The following TMED3 variants were observed in gnomAD, a reference collection of about 807,000 sequenced individuals.
The protein encoded by TMED3 is transmembrane emp24 domain-containing protein 3.
Under a neutral mutation model 15.0 loss-of-function variants are expected in TMED3, and 9 were observed. That is an observed-to-expected ratio of 0.60 (90% CI 0.36 to 1.04). TMED3 has a LOEUF of 1.04. Ranked by LOEUF, TMED3 falls within the 50% of genes least tolerant of loss-of-function variation. The probability of loss-of-function intolerance (pLI) is 0.01; values close to 1 mark genes in which losing one functional copy is unlikely to be tolerated. For missense variants in TMED3, 267 were observed against 278.9 expected, an observed-to-expected ratio of 0.96 and a Z score of 0.30; for synonymous variants, 117 against 121.4, an observed-to-expected ratio of 0.96 and a Z score of 0.24.
chr15:79,364,485 C>G (rs1200593147), intron 2 of TMED3, among the ~76,000 whole-genome samples: 1 of 151,906 alleles, frequency 6.6e-6, no homozygotes, highest in Non-Finnish European at 1.5e-5. Context: ...AAGGCCCCAC[C>G]CCTCGAGCCT....
At position 79,393,912 on chromosome 15, in the gene TMED3, G is replaced by A. The variant is rs149357780; in HGVS notation, c.418-17488G>A. On this transcript the variant is annotated intron_variant, in intron 2 of 2. Transcript: ENST00000424155. ...GGGTTTCACCATGTTGCCCAGGATG[G>A]TCTCAAACTCCTGAGCTCAAGCGAT... Among the ~76,000 whole-genome samples, 614 of 152,256 alleles carry A rather than the reference G, an allele frequency of 4.0e-3. 1 individual carries two copies. Among genetic ancestry groups the A allele is most frequent in the African/African-American group, 0.014 (583 of 41,548 alleles).
At chr15:79,356,485 G>A (rs1025187580) in intron 2 of TMED3, among the ~76,000 whole-genome samples, 1 of 152,214 alleles carries the variant, frequency 6.6e-6, no homozygotes, top group Non-Finnish European at 1.5e-5. Flanking sequence ...GATGGCAGCA[G>A]TGAACAGCTC....
At chr15:79,377,302 G>A (rs1300292376) in intron 2 of TMED3, among the ~76,000 whole-genome samples, 1 of 151,454 alleles carries the variant, frequency 6.6e-6, no homozygotes, top group Non-Finnish European at 1.5e-5. Flanking sequence ...GTGTGTGAGA[G>A]AGAGAGAGAG....
chr15:79,393,869 A>T (rs956794847), intron 2 of TMED3, among the ~76,000 whole-genome samples: 1 of 151,968 alleles, frequency 6.6e-6, no homozygotes, highest in East Asian at 1.9e-4. Context: ...CTAATTTTTT[A>T]AATTTTTTGT....
At position 79,313,946 on chromosome 15, in the gene TMED3, G is replaced by A; in HGVS notation, c.358G>A (p.Val120Met). ...CAAGACCGTCTACTTTGACTTTCAA[G>A]TGGGCGATGAGCCTCCCATTCTCCC... ...SHKTVYFDFQ[V>M]GDEPPILPDM... is the part of the protein sequence containing the mutation. Residue 120 changes from valine to methionine, a missense_variant, in exon 2 of 3, where the codon GTG becomes ATG. By Grantham distance (21) the Val-to-Met change is conservative (BLOSUM62 1). Coordinates refer to ENST00000299705, the MANE Select transcript of TMED3 (RefSeq NM_007364.4). The A allele has an allele frequency of 6.2e-7, 1 of 1,614,218 alleles. No individual in the cohort carries two copies. Among genetic ancestry groups the A allele is most frequent in the Non-Finnish European group, 8.5e-7 (1 of 1,180,042 alleles).
intron 2 of TMED3, among the ~76,000 whole-genome samples, chr15:79,345,962 T>A (rs932025153): frequency 6.6e-6 from 1 of 152,220 alleles, no homozygotes; most frequent in Non-Finnish European, 1.5e-5. Context: ...TTGAAAAGTA[T>A]CTGTTTATGT....
chr15:79,314,879 G>A (rs1052535184), intron 2 of TMED3, among the ~76,000 whole-genome samples: 2 of 152,184 alleles, frequency 1.3e-5, no homozygotes, highest in Non-Finnish European at 2.9e-5. Flanking sequence ...CAGGCTGGGG[G>A]CTTCCTGAGG....
chr15:79,314,182 C>T (rs564540707), intron 2 of TMED3, among the ~76,000 whole-genome samples, 177 bp downstream of exon 2: 4 of 152,312 alleles, frequency 2.6e-5, no homozygotes, highest in Admixed American at 2.0e-4. Flanking sequence ...GCTCTTCTTT[C>T]GATCTTCCTT....
Position 79,311,355 on chromosome 15 carries a change from A to G in TMED3, c.106A>G (p.Asn36Asp). ...GAELTFELPD[N>D]AKQCFHEEVE... Reference sequence around the variant, plus strand: ...CGAGCTCACCTTCGAGCTGCCGGACAACGCCAAGCAGTGCTTCCACGAGGA... The same window carrying G: ...CGAGCTCACCTTCGAGCTGCCGGACGACGCCAAGCAGTGCTTCCACGAGGA... Residue 36 changes from asparagine to aspartate, a missense_variant, in exon 1 of 3, where the codon AAC becomes GAC. Asn to Asp is a conservative substitution (Grantham distance 23). Transcript: ENST00000299705. 4 of 1,612,064 alleles carry G rather than the reference A, an allele frequency of 2.5e-6. No individual in the cohort carries two copies. Among genetic ancestry groups the G allele is most frequent in the Non-Finnish European group, 2.5e-6 (3 of 1,179,486 alleles).
intron 2 of TMED3, among the ~76,000 whole-genome samples, chr15:79,388,913 T>C (rs1893662550): frequency 6.6e-6 from 1 of 152,070 alleles, no homozygotes; most frequent in Admixed American, 6.6e-5. Context: ...TCTATTCATG[T>C]CCTTAGCCCA....
At chr15:79,313,724 C>T in intron 1 of TMED3, 33 bp from the exon 2 acceptor site, 1 of 1,599,774 alleles carries the variant, frequency 6.3e-7, no homozygotes, top group Non-Finnish European at 8.5e-7. Flanking sequence ...GTGGTTGCTC[C>T]TTTGATAACA....
chr15:79,353,748 A>G (rs1477365387), intron 2 of TMED3, among the ~76,000 whole-genome samples: 1 of 151,636 alleles, frequency 6.6e-6, no homozygotes, highest in Non-Finnish European at 1.5e-5. Flanking sequence ...AAAAATGAAG[A>G]CATTATTGTG....
chr15:79,346,642 T>C (rs1196420397), intron 2 of TMED3, among the ~76,000 whole-genome samples: 1 of 152,210 alleles, frequency 6.6e-6, no homozygotes, highest in Non-Finnish European at 1.5e-5. Context: ...CAGGTTTTTA[T>C]AGTTTTGGGT....
chr15:79,386,955 A>G (rs1330233811), intron 2 of TMED3, among the ~76,000 whole-genome samples: 1 of 140,608 alleles, frequency 7.1e-6, no homozygotes, highest in African/African-American at 2.6e-5. Flanking sequence ...TTTTTGAGAC[A>G]ATGTCTCGTT....
chr15:79,376,689 C>T (rs1167306751), intron 2 of TMED3, among the ~76,000 whole-genome samples: 2 of 152,222 alleles, frequency 1.3e-5, no homozygotes, highest in African/African-American at 4.8e-5. Flanking sequence ...TTTTGGCAGT[C>T]TCACTGAATT....
chr15:79,369,678 C>T (rs368947933), intron 2 of TMED3, among the ~76,000 whole-genome samples: 2 of 152,334 alleles, frequency 1.3e-5, no homozygotes, highest in East Asian at 3.9e-4. Context: ...TCTGTGTTCA[C>T]ACATAATTAT....
chr15:79,394,268 C>A (rs1215487486), intron 2 of TMED3, among the ~76,000 whole-genome samples: 2 of 152,084 alleles, frequency 1.3e-5, no homozygotes, highest in East Asian at 3.9e-4. Flanking sequence ...TTTATTTTCC[C>A]CATAGACTGT....
At chr15:79,331,205 A>G (rs950704749) in intron 2 of TMED3, among the ~76,000 whole-genome samples, 3 of 152,328 alleles carry the variant, frequency 2.0e-5, no homozygotes, top group Admixed American at 6.5e-5. Context: ...CCCCACCTCC[A>G]ACATTGGGGA....
intron 2 of TMED3, among the ~76,000 whole-genome samples, chr15:79,364,545 A>G (rs1893192068): frequency 6.6e-6 from 1 of 151,738 alleles, no homozygotes; most frequent in South Asian, 2.1e-4. Flanking sequence ...TTCATTCCCA[A>G]AAAGTTGTCT....
Sources: allele counts gnomAD v4.1 joint callset (sites outside exome capture counted in the v4.1 genomes callset), GRCh38; gene constraint gnomAD v4.1.1; transcripts MANE v1.5; gene names NCBI Gene and HGNC (gene_info 2026-07-23, HGNC 2026-07-21).